The following CAB39L variants were observed in gnomAD, a reference collection of about 807,000 sequenced individuals.
CAB39L encodes the protein calcium-binding protein 39-like.
In CAB39L, 23 loss-of-function variants were observed where a neutral mutation model predicts 39.1. The ratio of observed to expected loss-of-function variants is 0.59; its 90% CI spans 0.42 to 0.83. The LOEUF (loss-of-function observed/expected upper bound fraction) is 0.83. Ranked by LOEUF, CAB39L falls within the 40% of genes least tolerant of loss-of-function variation. The pLI is 0.00. For missense variants in CAB39L, 366 were observed against 391.9 expected, an observed-to-expected ratio of 0.93 and a Z score of 0.56; for synonymous variants, 126 against 137.2, an observed-to-expected ratio of 0.92 and a Z score of 0.57.
rs528971617 is a variant in CAB39L at position 49,364,819 on chromosome 13, T to C, written c.277-4987A>G. Among the ~76,000 whole-genome samples, 9 of 152,260 alleles carry C rather than the reference T, an allele frequency of 5.9e-5. No homozygotes were observed. The South Asian group carries it at 1.2e-3, about 21-fold the overall frequency. ...AAGGACATGCAAAAAAGGAAAGATA[T>C]TCCGTGTCCATGGATTGAAAGAAAC... is the stretch of plus-strand genomic sequence containing the variant. On this transcript the variant is annotated intron_variant, in intron 5 of 10. Coordinates refer to ENST00000409308, the MANE Select transcript of CAB39L (RefSeq NM_001079670.3).
At chr13:49,370,745 C>T (rs770133363) in intron 5 of CAB39L, among the ~76,000 whole-genome samples, 11 of 152,182 alleles carry the variant, frequency 7.2e-5, no homozygotes, top group Non-Finnish European at 1.6e-4. Context: ...AACTAATGGT[C>T]ACTGTCTTAA....
At chr13:49,359,524 T>A (rs942099568) in intron 6 of CAB39L, among the ~76,000 whole-genome samples, 190 bp downstream of exon 6, 1 of 152,122 alleles carries the variant, frequency 6.6e-6, no homozygotes, top group African/African-American at 2.4e-5. Context: ...TTTAGAAACA[T>A]TAAGGTGCAA....
intron 5 of CAB39L, among the ~76,000 whole-genome samples, chr13:49,364,555 C>T (rs1426331795): frequency 6.6e-6 from 1 of 151,986 alleles, no homozygotes; most frequent in African/African-American, 2.4e-5. Context: ...AAAGACTCCA[C>T]AAAAAAACTA....
intron 3 of CAB39L, among the ~76,000 whole-genome samples, chr13:49,418,506 C>T (rs921240311): frequency 2.0e-5 from 3 of 152,176 alleles, no homozygotes; most frequent in African/African-American, 7.2e-5. Context: ...GACTTGTACA[C>T]TTCAATGGGT....
At chr13:49,378,195 G>C (rs1333475081) in intron 4 of CAB39L, among the ~76,000 whole-genome samples, 5 of 88,896 alleles carry the variant, frequency 5.6e-5, no homozygotes, top group Non-Finnish European at 1.1e-4. Flanking sequence ...CTCTCCGCCC[G>C]GCAGCCACCC....
At chr13:49,403,645 G>A (rs1278883041) in intron 3 of CAB39L, among the ~76,000 whole-genome samples, 2 of 152,022 alleles carry the variant, frequency 1.3e-5, no homozygotes, top group Admixed American at 1.3e-4. Flanking sequence ...ATATAAAAAA[G>A]ATCTACATCA....
intron 3 of CAB39L, among the ~76,000 whole-genome samples, chr13:49,389,993 T>C (rs564787467): frequency 3.4e-4 from 51 of 152,110 alleles, no homozygotes; most frequent in African/African-American, 1.2e-3. Context: ...CGGTTAATTT[T>C]TGTATTTTTA....
chr13:49,358,240 A>G (rs865972300), intron 6 of CAB39L, among the ~76,000 whole-genome samples: 1 of 152,224 alleles, frequency 6.6e-6, no homozygotes, highest in Non-Finnish European at 1.5e-5. Context: ...TTTTGTACCC[A>G]AAACAAAAGT....
intron 7 of CAB39L, among the ~76,000 whole-genome samples, chr13:49,346,114 TATATA>T (rs1955160912): frequency 3.6e-5 from 2 of 56,068 alleles, no homozygotes; most frequent in Admixed American, 1.9e-4. Context: ...TATATATATA[TATATA>T]TATATCATGG....
At chr13:49,348,828 C>T (rs1178660601) in intron 7 of CAB39L, among the ~76,000 whole-genome samples, 1 of 152,198 alleles carries the variant, frequency 6.6e-6, no homozygotes, top group Admixed American at 6.5e-5. Context: ...TCCCGCTTAA[C>T]CACCCACCAC....
chr13:49,332,096 G>A lies in CAB39L; in HGVS notation c.691-6C>T, dbSNP rs769331386. The A allele has an allele frequency of 1.9e-6, 3 of 1,612,494 alleles. No individual in the cohort carries two copies. The highest frequency in any genetic ancestry group is 2.5e-6 in the Non-Finnish European group (3 of 1,179,090). On this transcript the variant is annotated splice_region_variant and splice_polypyrimidine_tract_variant and intron_variant, in intron 9 of 10. Coordinates refer to ENST00000409308, the MANE Select transcript of CAB39L (RefSeq NM_001079670.3). ...AGGATCAGCTCCCCTAGCAGCTAGAGGAAAACACAAAACCAAAGCTGTAAT... is the reference window on the plus strand; with the variant it reads ...AGGATCAGCTCCCCTAGCAGCTAGAAGAAAACACAAAACCAAAGCTGTAAT...
chr13:49,439,941 T>TTTTTTG, intron 1 of CAB39L, among the ~76,000 whole-genome samples: 1 of 144,480 alleles, frequency 6.9e-6, no homozygotes, highest in Admixed American at 6.9e-5. Flanking sequence ...TTTTTTTTTT[T>TTTTTTG]GCTTGTTGAA....
At position 49,378,265 on chromosome 13, in the gene CAB39L, G is replaced by A. The variant is rs1193235503; in HGVS notation, c.112-1134C>T. Among the ~76,000 whole-genome samples the A allele has an allele frequency of 9.8e-5, 9 of 91,816 alleles. 2 individuals are homozygous for A. In the East Asian group the frequency reaches 1.9e-3, roughly 20 times the overall value. The allele number at this position is 91,816 out of a possible 152,430, so 60.2% of individuals were successfully genotyped here. ...CCACCCCGTCAGGGAGGGAGGTGGG[G>A]GGGGGTCAACCCCCCGCCCGGCCAG... On this transcript the variant is annotated intron_variant, in intron 4 of 10. Coordinates refer to ENST00000409308, the MANE Select transcript of CAB39L (RefSeq NM_001079670.3).
At chr13:49,438,064 T>C (rs893815086) in intron 1 of CAB39L, among the ~76,000 whole-genome samples, 5 of 152,140 alleles carry the variant, frequency 3.3e-5, no homozygotes, top group African/African-American at 1.2e-4. Flanking sequence ...CTCAAACTTC[T>C]GGGCTCAAGC....
At chr13:49,385,134 C>T (rs1270201765) in intron 3 of CAB39L, among the ~76,000 whole-genome samples, 1 of 152,184 alleles carries the variant, frequency 6.6e-6, no homozygotes, top group Admixed American at 6.5e-5. Context: ...GTGTGGCCAC[C>T]CTCACCAATG....
intron 4 of CAB39L, among the ~76,000 whole-genome samples, chr13:49,378,281 G>A (rs1456940559): frequency 6.5e-5 from 5 of 77,268 alleles, no homozygotes; most frequent in Admixed American, 1.1e-4. Flanking sequence ...TCAACCCCCC[G>A]CCCGGCCAGC....
At chr13:49,313,076 T>C (rs1476249185) in intron 10 of CAB39L, among the ~76,000 whole-genome samples, 1 of 152,190 alleles carries the variant, frequency 6.6e-6, no homozygotes, top group Non-Finnish European at 1.5e-5. Flanking sequence ...ACACATAATA[T>C]CATCACCTAG....
intron 10 of CAB39L, among the ~76,000 whole-genome samples, chr13:49,328,097 C>T (rs1954554435): frequency 6.6e-6 from 1 of 152,192 alleles, no homozygotes; most frequent in South Asian, 2.1e-4. Context: ...CCCTTATGCA[C>T]ACATCCAAGA....
At chr13:49,375,760 C>G (rs1043377203) in intron 5 of CAB39L, among the ~76,000 whole-genome samples, 1 of 148,716 alleles carries the variant, frequency 6.7e-6, no homozygotes, top group Non-Finnish European at 1.5e-5. Flanking sequence ...CAAACCTGCA[C>G]GTTGTGCGCA....
Sources: gnomAD v4.1 joint callset for allele counts (sites outside exome capture counted in the v4.1 genomes callset) on GRCh38, gnomAD v4.1.1 for gene constraint, MANE v1.5 for transcripts, NCBI Gene and HGNC (gene_info 2026-07-23, HGNC 2026-07-21) for gene names.